Variants in KRT86 observed in about 807,000 individuals in gnomAD.
The protein encoded by KRT86 is keratin 86.
In KRT86, 30 loss-of-function variants were observed where a neutral mutation model predicts 41.2. The ratio of observed to expected loss-of-function variants is 0.73; its 90% confidence interval spans 0.54 to 0.99. KRT86 has a LOEUF of 0.99. KRT86 is among the 50% of genes least tolerant of loss of function. KRT86 has a pLI of 0.00. For missense variants in KRT86, 561 were observed against 571.4 expected (o/e 0.98, Z 0.19); for synonymous variants, 238 against 238.1 (o/e 1.00, Z 0.00).
intron 2 of KRT86, among the ~76,000 whole-genome samples, chr12:52,291,966 C>T (rs768138152): frequency 1.3e-5 from 2 of 152,146 alleles, no homozygotes; most frequent in Non-Finnish European, 2.9e-5. Flanking sequence ...TACCATCTCT[C>T]ATTTCCATCA....
intron 2 of KRT86, among the ~76,000 whole-genome samples, chr12:52,278,284 G>A (rs1216601560): frequency 1.3e-5 from 2 of 152,190 alleles, no homozygotes; most frequent in Non-Finnish European, 2.9e-5. Flanking sequence ...TTTTACAGAT[G>A]AGGGGTAAGT....
At chr12:52,307,699 A>G (rs1265546777) in intron 9 of KRT86, among the ~76,000 whole-genome samples, 3 of 152,158 alleles carry the variant, frequency 2.0e-5, no homozygotes, top group African/African-American at 7.2e-5. Context: ...TGTTTATCTA[A>G]CAGTTTTGTA....
chr12:52,280,922 C>A (rs1035416998), intron 2 of KRT86, among the ~76,000 whole-genome samples: 1 of 152,166 alleles, frequency 6.6e-6, no homozygotes, highest in Non-Finnish European at 1.5e-5. Context: ...ATTCTGCAAC[C>A]TGCGTCACTC....
intron 9 of KRT86, chr12:52,306,580 C>T (rs901744639): frequency 2.3e-5 from 12 of 532,168 alleles, no homozygotes; most frequent in Non-Finnish European, 4.1e-5. Flanking sequence ...CTGGGTAGTG[C>T]TTCTTCCCTT....
rs1163311574 is a variant in KRT86, at chr12:52,291,387, T to C, written c.-4-10526T>C. The C allele has an allele frequency of 3.7e-6, 6 of 1,607,776 alleles. No homozygotes were observed. Among genetic ancestry groups the C allele is most frequent in the Non-Finnish European group, 5.1e-6 (6 of 1,177,628 alleles). On this transcript the variant is annotated intron_variant, in intron 2 of 10. Transcript: ENST00000423955. Reference sequence around the variant, plus strand: ...ATGCCACGGTAGGGGGCGGCGGTGATGCAGCAGCGGCCGGGCCGCGGCCCG... The same window carrying C: ...ATGCCACGGTAGGGGGCGGCGGTGACGCAGCAGCGGCCGGGCCGCGGCCCG...
chr12:52,301,169 G>A (rs995275375), intron 2 of KRT86, among the ~76,000 whole-genome samples: 1 of 151,708 alleles, frequency 6.6e-6, no homozygotes, highest in South Asian at 2.1e-4. Flanking sequence ...AAGAGAGAGG[G>A]GGGGTTGTGA....
intron 2 of KRT86, among the ~76,000 whole-genome samples, chr12:52,278,218 T>G (rs149015395): frequency 6.6e-6 from 1 of 152,144 alleles, no homozygotes. Flanking sequence ...CATATTGCAT[T>G]GATCACCTCC....
At chr12:52,296,076 G>A (rs74095630) in intron 2 of KRT86, among the ~76,000 whole-genome samples, 3,531 of 152,224 alleles carry the variant, frequency 0.023, 97 homozygotes, top group African/African-American at 0.064. Flanking sequence ...ACCAGGTGTC[G>A]GATTGGAGAA....
intron 2 of KRT86, among the ~76,000 whole-genome samples, chr12:52,284,306 C>T (rs945000508): frequency 6.6e-6 from 1 of 152,208 alleles, no homozygotes; most frequent in Non-Finnish European, 1.5e-5. Flanking sequence ...TGTCCTGCTT[C>T]GGCCCCCTAA....
At chr12:52,292,998 A>C (rs936629510) in intron 2 of KRT86, among the ~76,000 whole-genome samples, 1 of 152,158 alleles carries the variant, frequency 6.6e-6, no homozygotes, top group African/African-American at 2.4e-5. Flanking sequence ...TACTACAAAT[A>C]CAAAAATTAG....
chr12:52,292,215 T>A (rs774169990), intron 2 of KRT86, among the ~76,000 whole-genome samples: 1 of 152,234 alleles, frequency 6.6e-6, no homozygotes, highest in Non-Finnish European at 1.5e-5. Context: ...GTTAACATTA[T>A]ACCATATTTG....
In KRT86 at chr12:52,302,106, G is replaced by C. The variant is rs778504570; in HGVS notation, c.190G>C (p.Gly64Arg). The C allele has an allele frequency of 3.8e-6, 6 of 1,566,848 alleles. No individual in the cohort carries two copies. Among genetic ancestry groups the C allele is most frequent in the Non-Finnish European group, 5.2e-6 (6 of 1,157,704 alleles). The change falls in exon 3 of 11, where the codon GGC becomes CGC. Residue 64 changes from glycine to arginine, a missense_variant. Gly to Arg is a moderately radical substitution (Grantham distance 125). Around this residue, in one of 3 missense-constraint regions of KRT86, gnomAD observed 164 missense variants for 172.5 expected, o/e 0.95. Transcript: ENST00000423955. ...FRAGSCGRSF[G>R]YRSGGVCGPS... ...GGCCGGCTCCTGCGGACGCAGCTTCGGCTACCGCTCCGGGGGCGTGTGCGG... is the reference window on the plus strand; with the variant it reads ...GGCCGGCTCCTGCGGACGCAGCTTCCGCTACCGCTCCGGGGGCGTGTGCGG...
At chr12:52,299,388 A>G (rs1411012609) in intron 2 of KRT86, among the ~76,000 whole-genome samples, 1 of 152,258 alleles carries the variant, frequency 6.6e-6, no homozygotes, top group East Asian at 1.9e-4. Context: ...GCTATTGTGA[A>G]TAGCGCTGCA....
chr12:52,282,720 A>G (rs1254949104), intron 2 of KRT86, among the ~76,000 whole-genome samples: 1 of 152,106 alleles, frequency 6.6e-6, no homozygotes, highest in Non-Finnish European at 1.5e-5. Flanking sequence ...TCTGCCCATC[A>G]CTACGCCCAC....
chr12:52,298,476 A>G (rs1428596629), intron 2 of KRT86, among the ~76,000 whole-genome samples: 2 of 152,248 alleles, frequency 1.3e-5, no homozygotes, highest in Non-Finnish European at 2.9e-5. Flanking sequence ...AGTATATCCC[A>G]TCAATGCTGT....
chr12:52,288,469 G>A (rs750447387), intron 2 of KRT86: 4 of 1,613,902 alleles, frequency 2.5e-6, no homozygotes, highest in South Asian at 2.2e-5. Flanking sequence ...GGAAAGGTGG[G>A]GAGTGTTGGA....
intron 2 of KRT86, among the ~76,000 whole-genome samples, chr12:52,292,202 A>G (rs1938146660): frequency 1.3e-5 from 2 of 152,264 alleles, no homozygotes; most frequent in South Asian, 4.1e-4. Context: ...CCCCGATTCA[A>G]CAGTTAACAT....
At chr12:52,296,189 A>C (rs935111780) in intron 2 of KRT86, among the ~76,000 whole-genome samples, 3 of 152,184 alleles carry the variant, frequency 2.0e-5, no homozygotes, top group Non-Finnish European at 4.4e-5. Flanking sequence ...GAAGAGAAGG[A>C]GAGTGCTGCA....
chr12:52,288,340 G>A (rs772908046), intron 2 of KRT86: 9 of 1,613,646 alleles, frequency 5.6e-6, no homozygotes, highest in South Asian at 1.1e-5. Flanking sequence ...CCAGGTTTCT[G>A]TCTGGCCCCT....
Sources: allele counts gnomAD v4.1 joint callset (sites outside exome capture counted in the v4.1 genomes callset), GRCh38; gene constraint gnomAD v4.1.1; regional missense constraint gnomAD v4.1.1; transcripts MANE v1.5; gene names NCBI Gene and HGNC (gene_info 2026-07-23, HGNC 2026-07-21).